The following CRYM variants were observed in gnomAD, a reference collection of about 807,000 sequenced individuals.
CRYM encodes the protein ketimine reductase mu-crystallin.
Under a neutral mutation model 32.9 loss-of-function variants are expected in CRYM, and 18 were observed. The observed-to-expected ratio is 0.55, with a 90% CI of 0.38 to 0.81. The LOEUF (loss-of-function observed/expected upper bound fraction) is 0.81, where lower values mean the gene tolerates loss of function less well. Among genes scored for constraint, CRYM ranks in the 30% least tolerant of loss-of-function variants. The probability of loss-of-function intolerance (pLI) is 0.00; values close to 1 mark genes in which losing one functional copy is unlikely to be tolerated. For missense variants in CRYM, 337 were observed against 393.5 expected (o/e 0.86, Z 1.21); for synonymous variants, 153 against 152.4 (o/e 1.00, Z -0.03).
At chr16:21,301,765 G>C (rs981995065) in intron 1 of CRYM, among the ~76,000 whole-genome samples, 1 of 152,176 alleles carries the variant, frequency 6.6e-6, no homozygotes. Flanking sequence ...CCGCGCGAGG[G>C]CCAGGCTGCC....
chr16:21,293,788 A>G (rs530862189), intron 1 of CRYM, among the ~76,000 whole-genome samples: 1 of 152,362 alleles, frequency 6.6e-6, no homozygotes, highest in East Asian at 1.9e-4. Context: ...ATGAATATGT[A>G]CTAAGAAGCT....
At chr16:21,291,967 TA>T (rs1960668049) in intron 1 of CRYM, among the ~76,000 whole-genome samples, 2 of 152,136 alleles carry the variant, frequency 1.3e-5, no homozygotes, top group African/African-American at 4.8e-5. Flanking sequence ...GTGCTATATC[TA>T]AAAAACTTTG....
chr16:21,265,731 G>C (rs1014912526), intron 5 of CRYM, among the ~76,000 whole-genome samples: 2 of 152,216 alleles, frequency 1.3e-5, no homozygotes, highest in Admixed American at 1.3e-4. Context: ...CGTGTGCAAA[G>C]CTCTTAGCTT....
intron 1 of CRYM, among the ~76,000 whole-genome samples, chr16:21,290,018 C>G (rs1960587052): frequency 6.7e-6 from 1 of 148,446 alleles, no homozygotes; most frequent in Non-Finnish European, 1.5e-5. Flanking sequence ...GACCAATCAG[C>G]ACTCTGTAAA....
intron 1 of CRYM, among the ~76,000 whole-genome samples, chr16:21,290,892 A>T (rs1960634564): frequency 6.6e-6 from 1 of 152,204 alleles, no homozygotes; most frequent in African/African-American, 2.4e-5. Context: ...AATAAACGGT[A>T]TGAGAAATAA....
At chr16:21,271,537 C>T (rs957325383) in intron 3 of CRYM, among the ~76,000 whole-genome samples, 11 of 152,212 alleles carry the variant, frequency 7.2e-5, no homozygotes, top group Middle Eastern at 3.4e-3. Flanking sequence ...CTGCAGCTAC[C>T]GAAGGAGAGA....
chr16:21,259,977 G>A (rs1340484275), intron 7 of CRYM, among the ~76,000 whole-genome samples: 1 of 152,186 alleles, frequency 6.6e-6, no homozygotes. Context: ...GACCTTTGAA[G>A]TTTTCAGACA....
chr16:21,279,510 A>G (rs544185359), upstream of CRYM, among the ~76,000 whole-genome samples: 1 of 152,330 alleles, frequency 6.6e-6, no homozygotes, highest in East Asian at 1.9e-4. Context: ...GGCTGGAATA[A>G]GGTGCTGAGG....
chr16:21,276,238 AT>A, intron 2 of CRYM, among the ~76,000 whole-genome samples: 1 of 152,298 alleles, frequency 6.6e-6, no homozygotes, highest in South Asian at 2.1e-4. Flanking sequence ...CATCAACCTC[AT>A]TTTACAGATG....
chr16:21,301,223 G>GGT (rs942544717), intron 1 of CRYM: 1 of 152,442 alleles, frequency 6.6e-6, no homozygotes, highest in African/African-American at 2.4e-5. Context: ...GCCAGCTGAA[G>GGT]GTGACCATGG....
At chr16:21,296,175 TGA>T (rs1358451021) in intron 1 of CRYM, among the ~76,000 whole-genome samples, 2 of 152,202 alleles carry the variant, frequency 1.3e-5, no homozygotes, top group Admixed American at 1.3e-4. Flanking sequence ...TGACCTCGAG[TGA>T]TCCACCCGCC....
intron 5 of CRYM, 83 bp from the exon 6 acceptor site, chr16:21,262,241 C>T: frequency 6.3e-7 from 1 of 1,576,296 alleles, no homozygotes; most frequent in Admixed American, 1.7e-5. Flanking sequence ...GAGAGGTGAA[C>T]AAAGGACTCG....
intron 1 of CRYM, among the ~76,000 whole-genome samples, chr16:21,290,573 G>A (rs1180238410): frequency 1.3e-5 from 2 of 152,140 alleles, no homozygotes; most frequent in African/African-American, 4.8e-5. Flanking sequence ...GGCCACAAAA[G>A]CATCTTACAA....
chr16:21,279,424 A>C (rs2093394261), upstream of CRYM, among the ~76,000 whole-genome samples: 1 of 152,206 alleles, frequency 6.6e-6, no homozygotes, highest in South Asian at 2.1e-4. Context: ...GGAAGAGGGC[A>C]TTACAGGCCA....
rs1426116737 is a variant in CRYM at position 21,277,350 on chromosome 16, C to G, written c.324+81G>C. 1.3e-6 allele frequency: 2 copies of G among 1,483,962 alleles called. No homozygotes were observed. The highest frequency in any genetic ancestry group is 1.9e-6 in the Non-Finnish European group (2 of 1,080,866). 91.9% of individuals were successfully genotyped at this position (1,483,962 alleles called of 1,614,324 possible). On this transcript the variant is annotated intron_variant, in intron 2 of 7. Coordinates refer to ENST00000572914, the MANE Select transcript of CRYM (RefSeq NM_001376256.1). This position sits in a 1 kb window ranked among gnomAD's most constrained non-coding sequence, Gnocchi z 4.2. Reference sequence around the variant, plus strand: ...GCACGCGTAGTCACAATCAAGACTCCCCCTGCTGCGGAGAACTTACTTTTG... The same window carrying G: ...GCACGCGTAGTCACAATCAAGACTCGCCCTGCTGCGGAGAACTTACTTTTG...
upstream of CRYM, chr16:21,278,373 G>C (rs1471788055): frequency 6.8e-6 from 9 of 1,319,204 alleles, no homozygotes; most frequent in Non-Finnish European, 9.5e-6. Context: ...CCAGCCTCCG[G>C]GGGCGGAGCA....
intron 3 of CRYM, among the ~76,000 whole-genome samples, chr16:21,273,125 TA>T (rs557539482): frequency 1.6e-4 from 25 of 152,150 alleles, no homozygotes; most frequent in Non-Finnish European, 2.8e-4. Context: ...ATGTTAGTGC[TA>T]AACCCTAATA....
At chr16:21,293,972 T>C (rs1393571184) in intron 1 of CRYM, among the ~76,000 whole-genome samples, 1 of 152,112 alleles carries the variant, frequency 6.6e-6, no homozygotes, top group Non-Finnish European at 1.5e-5. Flanking sequence ...CAGAGGGAAA[T>C]AGTAACTAAG....
intron 1 of CRYM, chr16:21,300,315 C>T (rs1243213643): frequency 1.3e-5 from 2 of 151,926 alleles, no homozygotes; most frequent in Non-Finnish European, 2.9e-5. Flanking sequence ...GAGTTGGGGG[C>T]TGAAGGGGAG....
Sources: gnomAD v4.1 joint callset for allele counts (sites outside exome capture counted in the v4.1 genomes callset) on GRCh38, gnomAD v4.1.1 for gene constraint, Gnocchi (gnomAD v3.1) non-coding constraint, MANE v1.5 for transcripts, NCBI Gene and HGNC (gene_info 2026-07-23, HGNC 2026-07-21) for gene names.